Variants in ADAM23 observed in about 807,000 individuals in gnomAD.
The protein encoded by ADAM23 is disintegrin and metalloproteinase domain-containing protein 23.
ADAM23 carries 33 observed loss-of-function variants against 120.1 expected under a neutral mutation model. That is an observed-to-expected ratio of 0.27 (90% CI 0.21 to 0.37). The LOEUF (loss-of-function observed/expected upper bound fraction) is 0.37, where lower values mean the gene tolerates loss of function less well. Ranked by LOEUF, ADAM23 falls within the 10% of genes least tolerant of loss-of-function variation. The pLI is 1.00. For missense variants in ADAM23, 862 were observed against 1,058.2 expected (o/e 0.81, Z 2.57); for synonymous variants, 367 against 375.2 (o/e 0.98, Z 0.25).
chr2:206,617,475 A>G, intron 25 of ADAM23, 104 bp from the exon 26 acceptor site: 1 of 1,299,452 alleles, frequency 7.7e-7, no homozygotes, highest in Non-Finnish European at 1.0e-6. Flanking sequence ...TTTGCTCTGG[A>G]ACTAGCATTA....
In ADAM23 at chr2:206,615,398, G is replaced by A. The variant is rs148116825; in HGVS notation, c.2451-2181G>A. Among the ~76,000 whole-genome samples, 385 of 152,296 alleles carry A rather than the reference G, an allele frequency of 2.5e-3. 2 individuals are homozygous for A. Among genetic ancestry groups the A allele is most frequent in the African/African-American group, 8.7e-3 (361 of 41,570 alleles). The stretch of plus-strand genomic sequence containing the variant: ...GAAGAAAGTCAGCAAGGACCTGCCC[G>A]CAGTAGTTGTACTTTCACATTAAAA... On this transcript the variant is annotated intron_variant, in intron 25 of 25. Coordinates refer to ENST00000264377, the MANE Select transcript of ADAM23 (RefSeq NM_003812.4).
At chr2:206,502,804 T>C (rs1422494020) in intron 3 of ADAM23, among the ~76,000 whole-genome samples, 1 of 152,164 alleles carries the variant, frequency 6.6e-6, no homozygotes, top group Non-Finnish European at 1.5e-5. Flanking sequence ...TTACTAAAAA[T>C]AGTGTTATGC....
intron 3 of ADAM23, among the ~76,000 whole-genome samples, chr2:206,491,269 T>G (rs1696129224): frequency 6.6e-6 from 1 of 152,102 alleles, no homozygotes; most frequent in Non-Finnish European, 1.5e-5. Flanking sequence ...ATTTAGATTT[T>G]CTAGGTTCTG....
At position 206,536,814 on chromosome 2, in the gene ADAM23, T is replaced by C. The variant is rs529099489; in HGVS notation, c.574-5238T>C. 1.3e-3 allele frequency among the ~76,000 whole-genome samples: 203 copies of C among 152,220 alleles called. 1 individual carries two copies. The highest frequency in any genetic ancestry group is 4.5e-3 in the African/African-American group (186 of 41,544). ...TCTATTTCCTGGGTTCAAGAGATTCTCCTGTCTCAGCCTCCCGAGTAGCTG... is the reference window on the plus strand; with the variant it reads ...TCTATTTCCTGGGTTCAAGAGATTCCCCTGTCTCAGCCTCCCGAGTAGCTG... On this transcript the variant is annotated intron_variant, in intron 4 of 25. Coordinates refer to ENST00000264377, the MANE Select transcript of ADAM23 (RefSeq NM_003812.4).
chr2:206,592,721 G>A lies in ADAM23; in HGVS notation c.2063G>A (p.Arg688Gln), dbSNP rs752263377. Residue 688 changes from arginine (R) to glutamine (Q), a missense_variant, in exon 22 of 26, where the codon CGG becomes CAG. By Grantham distance (43) the Arg-to-Gln change is conservative (BLOSUM62 1). This residue lies in a region of ADAM23 where 617 missense variants were observed against 813.5 expected (regional missense o/e 0.76). Transcript: ENST00000264377. ...IIPTSFYHQGRVIDCSGAHVV... is the reference protein window; with the variant it reads ...IIPTSFYHQGQVIDCSGAHVV... ...CCAACTTCCTTCTACCATCAAGGCC[G>A]GGTGATTGACTGCAGGTAACATATT... The A allele has an allele frequency of 1.1e-5, 17 of 1,613,708 alleles. No individual in the cohort carries two copies. The highest frequency in any genetic ancestry group is 6.7e-5 in the Admixed American group (4 of 59,984).
intron 2 of ADAM23, among the ~76,000 whole-genome samples, chr2:206,473,240 C>CT (rs1695697644): frequency 6.6e-6 from 1 of 152,116 alleles, no homozygotes; most frequent in African/African-American, 2.4e-5. Flanking sequence ...CTTATTAACA[C>CT]TTTATAATTT....
rs138807748 is a variant in ADAM23, at chr2:206,448,032, A to G, written c.432+2508A>G. 2.6e-5 allele frequency among the ~76,000 whole-genome samples: 4 copies of G among 152,368 alleles called. No individual in the cohort carries two copies. The East Asian group carries it at 5.8e-4, about 22-fold the overall frequency. On this transcript the variant is annotated intron_variant, in intron 2 of 25. Coordinates refer to ENST00000264377, the MANE Select transcript of ADAM23 (RefSeq NM_003812.4). ...GGTGAGTGTAAAAGCAGATTGTGCA[A>G]ACCACCTCTTTGCATCCTAATGTTT...
Position 206,550,754 on chromosome 2 carries a change from A to G in ADAM23, c.933+594A>G, listed in dbSNP as rs543201643. Among the ~76,000 whole-genome samples, 150 of 152,196 alleles carry G rather than the reference A, an allele frequency of 9.9e-4. 2 individuals carry two copies. The highest frequency in any genetic ancestry group is 3.3e-3 in the African/African-American group (138 of 41,546). ...GTAGCTGGGACTACAGGCGCCCGCC[A>G]CTACGCCCGGCTAATTTTTTGTATT... On this transcript the variant is annotated intron_variant, in intron 9 of 25. Coordinates refer to ENST00000264377, the MANE Select transcript of ADAM23 (RefSeq NM_003812.4).
At chr2:206,557,247 A>T (rs1420284735) in intron 9 of ADAM23, among the ~76,000 whole-genome samples, 180 bp from the exon 10 acceptor site, 2 of 152,198 alleles carry the variant, frequency 1.3e-5, no homozygotes, top group Non-Finnish European at 2.9e-5. Context: ...TGTTTTAGAT[A>T]GTCAGAGTTT....
intron 3 of ADAM23, among the ~76,000 whole-genome samples, chr2:206,487,612 C>G (rs1696041648): frequency 1.3e-5 from 2 of 152,234 alleles, no homozygotes. Flanking sequence ...TCCAGGCCAT[C>G]TGACTGGTCC....
intron 4 of ADAM23, among the ~76,000 whole-genome samples, chr2:206,538,997 T>C (rs968316159): frequency 1.3e-5 from 2 of 152,166 alleles, no homozygotes; most frequent in African/African-American, 4.8e-5. Context: ...ACAAAGTTAT[T>C]ATCCCCAGCC....
intron 8 of ADAM23, among the ~76,000 whole-genome samples, chr2:206,548,691 A>G (rs1043256047): frequency 2.0e-5 from 3 of 152,138 alleles, no homozygotes; most frequent in African/African-American, 7.2e-5. Flanking sequence ...TTCTTTCTAT[A>G]TGGCTTATAT....
intron 2 of ADAM23, among the ~76,000 whole-genome samples, chr2:206,468,248 G>A (rs1695581893): frequency 6.6e-6 from 1 of 152,006 alleles, no homozygotes; most frequent in Admixed American, 6.6e-5. Flanking sequence ...TCACCACATG[G>A]CCAGGCTGCA....
chr2:206,516,233 T>TAA (rs1192850018), intron 3 of ADAM23, among the ~76,000 whole-genome samples: 16 of 123,312 alleles, frequency 1.3e-4, no homozygotes, highest in African/African-American at 2.7e-4. Context: ...GCATTTTTAT[T>TAA]AAAAAAAAAA....
intron 3 of ADAM23, among the ~76,000 whole-genome samples, chr2:206,483,691 G>A (rs1695944195): frequency 6.6e-6 from 1 of 152,146 alleles, no homozygotes; most frequent in Non-Finnish European, 1.5e-5. Flanking sequence ...CCATCTACTG[G>A]CACATGCTGT....
At chr2:206,592,541 T>C (rs13420297) in intron 21 of ADAM23, 76 bp from the exon 22 acceptor site, 95,882 of 1,538,108 alleles carry the variant, frequency 0.062, 3,584 homozygotes, top group Admixed American at 0.14. Context: ...TTTGAATCAA[T>C]GTGGACCGAA....
intron 2 of ADAM23, among the ~76,000 whole-genome samples, chr2:206,478,147 A>C (rs1559225600): frequency 2.0e-5 from 3 of 151,852 alleles, no homozygotes; most frequent in Admixed American, 6.6e-5. Context: ...ATTTTGGTAT[A>C]GAGAAGAATC....
intron 18 of ADAM23, among the ~76,000 whole-genome samples, chr2:206,573,475 A>G (rs1698046682): frequency 6.6e-6 from 1 of 152,088 alleles, no homozygotes; most frequent in Non-Finnish European, 1.5e-5. Flanking sequence ...GAACCATTGA[A>G]CCCTCAGAAA....
At chr2:206,474,508 A>G (rs1397711085) in intron 2 of ADAM23, among the ~76,000 whole-genome samples, 1 of 151,904 alleles carries the variant, frequency 6.6e-6, no homozygotes, top group Non-Finnish European at 1.5e-5. Flanking sequence ...TCTTTTTCCT[A>G]CTTTACTGTC....
Sources: gnomAD v4.1 joint callset for allele counts (sites outside exome capture counted in the v4.1 genomes callset) on GRCh38, gnomAD v4.1.1 for gene constraint, gnomAD v4.1.1 regional missense constraint, MANE v1.5 for transcripts, NCBI Gene and HGNC (gene_info 2026-07-23, HGNC 2026-07-21) for gene names.